The following SDHC variants were observed in gnomAD, a reference collection of about 807,000 sequenced individuals.
SDHC encodes succinate dehydrogenase cytochrome b560 subunit, mitochondrial.
A neutral mutation model predicts 22.6 loss-of-function variants in SDHC; 11 were observed. That is an observed-to-expected ratio of 0.49 (90% confidence interval 0.31 to 0.81). The LOEUF (loss-of-function observed/expected upper bound fraction) is 0.81. Among genes scored for constraint, SDHC ranks in the 30% least tolerant of loss-of-function variants. The probability of loss-of-function intolerance (pLI) is 0.05; values close to 1 mark genes in which losing one functional copy is unlikely to be tolerated. For missense variants in SDHC, 160 were observed against 212.0 expected (o/e 0.75, Z 1.52); for synonymous variants, 80 against 77.8 (o/e 1.03, Z -0.15).
At chr1:161,340,134 C>T (rs1424587000) in intron 3 of SDHC, among the ~76,000 whole-genome samples, 1 of 151,874 alleles carries the variant, frequency 6.6e-6, no homozygotes, top group African/African-American at 2.4e-5. Flanking sequence ...ACTAAAAATA[C>T]AAAAATTAGG....
chr1:161,337,914 A>G (rs140500880), intron 3 of SDHC, among the ~76,000 whole-genome samples: 195 of 152,298 alleles, frequency 1.3e-3, no homozygotes, highest in African/African-American at 4.2e-3. Flanking sequence ...TCATGCTGAT[A>G]ATTATTCTCT....
intron 4 of SDHC, among the ~76,000 whole-genome samples, chr1:161,347,364 C>A (rs1363936628): frequency 6.6e-6 from 1 of 152,032 alleles, no homozygotes; most frequent in African/African-American, 2.4e-5. Context: ...GAGAAATTTT[C>A]TTCCTCAGCC....
chr1:161,339,577 A>G, intron 3 of SDHC: 1 of 1,267,182 alleles, frequency 7.9e-7, no homozygotes, highest in South Asian at 1.3e-5. Flanking sequence ...TCAGTGATGC[A>G]GTCTGGTAAA....
At chr1:161,331,900 G>A (rs1028790713) in intron 3 of SDHC, among the ~76,000 whole-genome samples, 6 of 152,096 alleles carry the variant, frequency 3.9e-5, no homozygotes, top group Non-Finnish European at 8.8e-5. Context: ...TGGCAACAGT[G>A]AATATCTTAA....
chr1:161,319,369 G>A (rs1670754221), intron 1 of SDHC, among the ~76,000 whole-genome samples: 2 of 151,362 alleles, frequency 1.3e-5, no homozygotes, highest in African/African-American at 4.8e-5. Flanking sequence ...ATGAACAAGT[G>A]TGAGAGCAAG....
intron 5 of SDHC, 133 bp from the exon 6 acceptor site, chr1:161,362,196 G>A (rs2102384008): frequency 9.2e-7 from 1 of 1,092,166 alleles, no homozygotes. Flanking sequence ...GGGCATAAGG[G>A]TAGAAGCGCT....
At chr1:161,332,605 A>C (rs1671320878) in intron 3 of SDHC, among the ~76,000 whole-genome samples, 1 of 151,334 alleles carries the variant, frequency 6.6e-6, no homozygotes, top group Admixed American at 6.6e-5. Context: ...TTCAGCCATC[A>C]CCACAATTTT....
In SDHC at chr1:161,344,356, G is replaced by A. The variant is rs1671823752; in HGVS notation, c.241+3701G>A. Reference sequence around the variant, plus strand: ...ATGCATCTATAGTCTCAGCTACTAGGGAGGCTGATGTAGGGAGGATTGCCC... The same window carrying A: ...ATGCATCTATAGTCTCAGCTACTAGAGAGGCTGATGTAGGGAGGATTGCCC... On this transcript the variant is annotated intron_variant, in intron 4 of 5. Coordinates refer to ENST00000367975, the MANE Select transcript of SDHC (RefSeq NM_003001.5). Among the ~76,000 whole-genome samples, 7 of 152,098 alleles carry A rather than the reference G, an allele frequency of 4.6e-5. No individual in the cohort carries two copies. The South Asian group carries it at 1.5e-3, about 32-fold the overall frequency.
At chr1:161,333,354 A>G (rs947574499) in intron 3 of SDHC, among the ~76,000 whole-genome samples, 3 of 150,300 alleles carry the variant, frequency 2.0e-5, no homozygotes, top group Non-Finnish European at 4.4e-5. Context: ...TCTTGGGTAT[A>G]TACCTAGGAG....
intron 4 of SDHC, among the ~76,000 whole-genome samples, chr1:161,345,982 T>A (rs1411159841): frequency 2.6e-5 from 4 of 151,868 alleles, no homozygotes; most frequent in Non-Finnish European, 4.4e-5. Context: ...ATGTTTGTAT[T>A]TTTAGTAGAG....
chr1:161,358,462 C>T (rs187486066), intron 5 of SDHC, among the ~76,000 whole-genome samples: 3 of 152,118 alleles, frequency 2.0e-5, no homozygotes, highest in East Asian at 1.9e-4. Context: ...GTGACCTCAT[C>T]GTCTGCTCAA....
intron 3 of SDHC, among the ~76,000 whole-genome samples, chr1:161,331,594 C>CT (rs376565137): frequency 0.076 from 10,134 of 132,628 alleles, 726 homozygotes; most frequent in African/African-American, 0.19. Flanking sequence ...CAGTAAATAT[C>CT]TTTTTTTTTT....
At chr1:161,327,804 C>T (rs1354333319) in intron 2 of SDHC, among the ~76,000 whole-genome samples, 1 of 151,976 alleles carries the variant, frequency 6.6e-6, no homozygotes, top group African/African-American at 2.4e-5. Flanking sequence ...CTTCATGATC[C>T]ACCCACCTCG....
intron 3 of SDHC, among the ~76,000 whole-genome samples, chr1:161,337,507 A>G (rs1483045324): frequency 6.6e-6 from 1 of 152,206 alleles, no homozygotes; most frequent in African/African-American, 2.4e-5. Context: ...TCGGTCATCA[A>G]GTCCTGCCCA....
intron 1 of SDHC, among the ~76,000 whole-genome samples, chr1:161,322,846 G>A (rs542423744): frequency 1.3e-5 from 2 of 152,330 alleles, no homozygotes; most frequent in South Asian, 2.1e-4. Flanking sequence ...ACAGGCGTGA[G>A]CCACTGCACC....
Position 161,356,662 on chromosome 1 carries a change from T to C in SDHC, c.242-15T>C, listed in dbSNP as rs961762320. On this transcript the variant is annotated splice_polypyrimidine_tract_variant and intron_variant, in intron 4 of 5. Transcript: ENST00000367975. ...TTATGAGCAGCTGTGACAAGCTACT[T>C]GGTTTTCTCCTCAGGGGTCTCTCTT... 1.1e-5 allele frequency: 17 copies of C among 1,613,530 alleles called. No individual in the cohort carries two copies. The highest frequency in any genetic ancestry group is 1.0e-4 in the Admixed American group (6 of 59,994).
intron 5 of SDHC, among the ~76,000 whole-genome samples, chr1:161,361,175 C>A (rs908750630): frequency 6.6e-6 from 1 of 151,846 alleles, no homozygotes; most frequent in African/African-American, 2.4e-5. Context: ...CCTGCCTGAA[C>A]AATATAATGA....
At chr1:161,322,186 G>A (rs534906435) in intron 1 of SDHC, among the ~76,000 whole-genome samples, 2 of 152,214 alleles carry the variant, frequency 1.3e-5, no homozygotes, top group East Asian at 3.9e-4. Flanking sequence ...AAAACATTTT[G>A]GGTTATGGAG....
At position 161,328,436 on chromosome 1, in the gene SDHC, C is replaced by T. The variant is rs978019587; in HGVS notation, c.118C>T (p.Arg40Trp). The change falls in exon 3 of 6, where the codon CGG (arginine) becomes TGG (tryptophan). Residue 40 changes from arginine (R) to tryptophan (W), a missense_variant. Physicochemically the swap from Arg to Trp is moderately radical, Grantham distance 101. Transcript: ENST00000367975. ...LGTTAKEEME[R>W]FWNKNIGSNR... ...AACCACGGCCAAAGAAGAGATGGAG[C>T]GGTTCTGGAATAAGAATATAGGTTC... 18 of 1,613,548 alleles carry T rather than the reference C, an allele frequency of 1.1e-5. No individual in the cohort carries two copies. The highest frequency in any genetic ancestry group is 8.3e-5 in the Admixed American group (5 of 59,994).
Sources: allele counts gnomAD v4.1 joint callset (sites outside exome capture counted in the v4.1 genomes callset), GRCh38; gene constraint gnomAD v4.1.1; transcripts MANE v1.5; gene names NCBI Gene and HGNC (gene_info 2026-07-23, HGNC 2026-07-21).